The following MTMR2 variants were observed in gnomAD, a reference collection of about 807,000 sequenced individuals.
MTMR2 encodes phosphatidylinositol-3,5-bisphosphate 3-phosphatase MTMR2.
In MTMR2, 55 loss-of-function variants were observed where a neutral mutation model predicts 86.9. The observed-to-expected ratio is 0.63, with a 90% CI of 0.51 to 0.79. MTMR2 has a LOEUF of 0.79. MTMR2 is among the 30% of genes least tolerant of loss of function. The probability of loss-of-function intolerance (pLI) is 0.00; values close to 1 mark genes in which losing one functional copy is unlikely to be tolerated. For synonymous variants in MTMR2, 241 were observed against 266.8 expected, an observed-to-expected ratio of 0.90 and a Z score of 0.94; for missense variants, 659 against 772.3, an observed-to-expected ratio of 0.85 and a Z score of 1.74.
chr11:95,868,273 T>TAAAAAAAAAA (rs555618890), intron 2 of MTMR2, among the ~76,000 whole-genome samples: 14 of 42,220 alleles, frequency 3.3e-4, no homozygotes, highest in Non-Finnish European at 3.6e-4. Context: ...GACCCTGTGC[T>TAAAAAAAAAA]AAAAAAAAAA....
At chr11:95,879,592 G>A (rs892950150) in intron 2 of MTMR2, among the ~76,000 whole-genome samples, 1 of 152,076 alleles carries the variant, frequency 6.6e-6, no homozygotes, top group African/African-American at 2.4e-5. Context: ...AGTATCACCT[G>A]TTTATGTACC....
rs1180830442 is a variant in MTMR2 at position 95,874,379 on chromosome 11, G to A, written c.187-8703C>T. Among the ~76,000 whole-genome samples the A allele has an allele frequency of 2.6e-5, 4 of 152,032 alleles. No homozygotes were observed. The East Asian group carries it at 7.7e-4, about 29-fold the overall frequency. ...CTCTTTGTGTCTTTTGATCTTTGTTGGTTTAAAGTCTGTTTTATCAGAGAC... is the reference window on the plus strand; with the variant it reads ...CTCTTTGTGTCTTTTGATCTTTGTTAGTTTAAAGTCTGTTTTATCAGAGAC... On this transcript the variant is annotated intron_variant, in intron 2 of 14. Coordinates refer to ENST00000346299, the MANE Select transcript of MTMR2 (RefSeq NM_016156.6).
In MTMR2 at chr11:95,836,177, T is replaced by C. The variant is rs149476960; in HGVS notation, c.1741A>G (p.Ile581Val). 6.9e-5 allele frequency: 111 copies of C among 1,612,804 alleles called. No homozygotes were observed. The highest frequency in any genetic ancestry group is 1.7e-4 in the Middle Eastern group (1 of 6,056). ...RHLELWVGYY[I>V]RWNPRMKPQE... Reference sequence around the variant, plus strand: ...GGTTTCATCCGTGGATTCCACCTTATGTAATATCCCACCCAGAGCTCTAGG... The same window carrying C: ...GGTTTCATCCGTGGATTCCACCTTACGTAATATCCCACCCAGAGCTCTAGG... Residue 581 changes from isoleucine to valine, a missense_variant, in exon 14 of 15, where the codon ATA (isoleucine) becomes GTA (valine). Transcript: ENST00000346299.
At position 95,845,168 on chromosome 11, in the gene MTMR2, C is replaced by T. The variant is rs1347066495; in HGVS notation, c.1180-9G>A. 5 of 1,589,820 alleles carry T rather than the reference C, an allele frequency of 3.1e-6. No homozygotes were observed. The highest frequency in any genetic ancestry group is 1.1e-5 in the South Asian group (1 of 90,982). The stretch of plus-strand genomic sequence containing the variant: ...GCCCCTGCAAGAATAAGCTGGAAAA[C>T]AGATTTTTTAATACATTGTTTTTAA... On this transcript the variant is annotated splice_polypyrimidine_tract_variant and intron_variant, in intron 10 of 14. Coordinates refer to ENST00000346299, the MANE Select transcript of MTMR2 (RefSeq NM_016156.6).
At position 95,889,314 on chromosome 11, in the gene MTMR2, G is replaced by A. The variant is rs574643237; in HGVS notation, c.81-1053C>T. Among the ~76,000 whole-genome samples the A allele has an allele frequency of 1.1e-4, 17 of 151,642 alleles. No homozygotes were observed. In the South Asian group the frequency reaches 3.5e-3, roughly 32 times the overall value. On this transcript the variant is annotated intron_variant, in intron 1 of 14. Coordinates refer to ENST00000346299, the MANE Select transcript of MTMR2 (RefSeq NM_016156.6). ...ATACCTGGCTAATTTTTGTATTTTT[G>A]TAGAGACGAGGTTTCACCATGTTGG...
At chr11:95,838,733 A>G (rs896153739) in intron 12 of MTMR2, among the ~76,000 whole-genome samples, 3 of 152,034 alleles carry the variant, frequency 2.0e-5, no homozygotes, top group Non-Finnish European at 4.4e-5. Context: ...TAAACTTTTC[A>G]GGGAACATCC....
At chr11:95,858,422 A>C (rs1303231341) in intron 6 of MTMR2, 109 bp downstream of exon 6, 5 of 777,806 alleles carry the variant, frequency 6.4e-6, no homozygotes, top group Non-Finnish European at 1.1e-5. Flanking sequence ...ATCTGGTTAA[A>C]TGTCAAAGCA....
At chr11:95,919,093 C>T (rs1212827824) in intron 1 of MTMR2, among the ~76,000 whole-genome samples, 1 of 152,190 alleles carries the variant, frequency 6.6e-6, no homozygotes, top group African/African-American at 2.4e-5. Context: ...ACTGTTCAGC[C>T]TCCTAAACTG....
At chr11:95,859,019 T>G (rs1489232921) in intron 5 of MTMR2, among the ~76,000 whole-genome samples, 2 of 152,176 alleles carry the variant, frequency 1.3e-5, no homozygotes, top group African/African-American at 4.8e-5. Flanking sequence ...TGTCATAAAT[T>G]TCTTTATTTA....
intron 2 of MTMR2, among the ~76,000 whole-genome samples, chr11:95,867,994 C>A (rs1453229969): frequency 6.6e-6 from 1 of 152,032 alleles, no homozygotes; most frequent in Admixed American, 6.6e-5. Flanking sequence ...AGGCCAGGCG[C>A]AGTGGCTCAG....
At chr11:95,855,461 A>G (rs997206493) in intron 7 of MTMR2, among the ~76,000 whole-genome samples, 1 of 151,706 alleles carries the variant, frequency 6.6e-6, no homozygotes, top group Admixed American at 6.6e-5. Context: ...TATGTTGCCC[A>G]CGCTGGTCTC....
chr11:95,848,619 G>A (rs917797822), intron 9 of MTMR2, among the ~76,000 whole-genome samples: 3 of 151,908 alleles, frequency 2.0e-5, no homozygotes, highest in East Asian at 3.9e-4. Flanking sequence ...TACCTAACTC[G>A]TGTAAAATTA....
intron 2 of MTMR2, among the ~76,000 whole-genome samples, chr11:95,881,959 C>G (rs73533125): frequency 6.6e-6 from 1 of 151,996 alleles, no homozygotes; most frequent in South Asian, 2.1e-4. Flanking sequence ...TGATGGATAC[C>G]CTTTATCGGG....
At chr11:95,842,746 C>G (rs537353638) in intron 11 of MTMR2, among the ~76,000 whole-genome samples, 1 of 152,228 alleles carries the variant, frequency 6.6e-6, no homozygotes, top group Non-Finnish European at 1.5e-5. Context: ...GATAAAAATT[C>G]TGGTGCCTTT....
chr11:95,897,362 T>G (rs572968221), intron 1 of MTMR2, among the ~76,000 whole-genome samples: 1 of 152,134 alleles, frequency 6.6e-6, no homozygotes, highest in Non-Finnish European at 1.5e-5. Flanking sequence ...AGCTTCATAT[T>G]TGAAATTTTT....
At chr11:95,857,450 T>G (rs1292221450) in intron 7 of MTMR2, 102 bp downstream of exon 7, 4 of 760,442 alleles carry the variant, frequency 5.3e-6, no homozygotes, top group Non-Finnish European at 9.4e-6. Context: ...GGTGAATTAC[T>G]GTGGTATGAG....
At chr11:95,844,197 C>T (rs936777701) in intron 11 of MTMR2, among the ~76,000 whole-genome samples, 15 of 152,120 alleles carry the variant, frequency 9.9e-5, no homozygotes, top group African/African-American at 3.6e-4. Context: ...CTTTGAAGTA[C>T]GAGTTTGTTT....
chr11:95,914,753 C>T lies in MTMR2; in HGVS notation c.80+9122G>A, dbSNP rs576427355. ...CTGCCCTGGGACTGCCCTCTAACTACAAAGCTTTGGTCTGCACCTGGGGCA... is the reference window on the plus strand; with the variant it reads ...CTGCCCTGGGACTGCCCTCTAACTATAAAGCTTTGGTCTGCACCTGGGGCA... On this transcript the variant is annotated intron_variant, in intron 1 of 14. Transcript: ENST00000346299. 3.3e-5 allele frequency among the ~76,000 whole-genome samples: 5 copies of T among 152,256 alleles called. No homozygotes were observed. In the East Asian group the frequency reaches 9.7e-4, roughly 29 times the overall value.
In MTMR2 at chr11:95,909,484, G is replaced by C. The variant is rs187734269; in HGVS notation, c.80+14391C>G. Among the ~76,000 whole-genome samples, 193 of 152,204 alleles carry C rather than the reference G, an allele frequency of 1.3e-3. 2 individuals carry two copies. Among genetic ancestry groups the C allele is most frequent in the African/African-American group, 4.3e-3 (179 of 41,534 alleles). ...AGAAAAATCTGTCTCCAGATAGCAG[G>C]GGTTCACTGATCACATCCAAATATT... On this transcript the variant is annotated intron_variant, in intron 1 of 14. Coordinates refer to ENST00000346299, the MANE Select transcript of MTMR2 (RefSeq NM_016156.6).
Sources: gnomAD v4.1 joint callset for allele counts (sites outside exome capture counted in the v4.1 genomes callset) on GRCh38, gnomAD v4.1.1 for gene constraint, MANE v1.5 for transcripts, NCBI Gene and HGNC (gene_info 2026-07-23, HGNC 2026-07-21) for gene names.